ADGRG5: variants seen among roughly 807,000 people sequenced by gnomAD.
ADGRG5 encodes adhesion G protein-coupled receptor G5.
A neutral mutation model predicts 53.2 loss-of-function variants in ADGRG5; 37 were observed. The observed-to-expected ratio is 0.70, with a 90% CI of 0.53 to 0.91. The LOEUF is 0.91. Among genes scored for constraint, ADGRG5 ranks in the 40% least tolerant of loss-of-function variants. The pLI is 0.00. For missense variants in ADGRG5, 614 were observed against 675.8 expected (o/e 0.91, Z 1.01); for synonymous variants, 277 against 290.4 (o/e 0.95, Z 0.47).
chr16:57,530,166 T>C, the ADGRG5 span, among the ~76,000 whole-genome samples: 1 of 152,120 alleles, frequency 6.6e-6, no homozygotes, highest in Non-Finnish European at 1.5e-5. Flanking sequence ...TCTCCCCTTC[T>C]CTGCCGGAAC....
Position 57,562,154 on chromosome 16 carries a change from A to G in ADGRG5, c.61A>G (p.Thr21Ala), listed in dbSNP as rs1194741845. 6.2e-7 allele frequency: 1 copy of G among 1,601,414 alleles called. No homozygotes were observed. Among genetic ancestry groups the G allele is most frequent in the Non-Finnish European group, 8.5e-7 (1 of 1,171,258 alleles). ...LCLLTLQNATTETWEELLSYM... is the reference protein window; with the variant it reads ...LCLLTLQNATAETWEELLSYM... ...CCTTCTGACTTTGCAGAATGCAACA[A>G]CAGGTAAGGGGGCTCTGCTGAACTG... is the stretch of plus-strand genomic sequence containing the variant. Residue 21 changes from threonine to alanine, a missense_variant, in exon 2 of 12, where the codon ACA (threonine) becomes GCA (alanine). By Grantham distance (58) the Thr-to-Ala change is moderately conservative. Transcript: ENST00000349457.
rs1163743394 is a variant in ADGRG5, at chr16:57,574,453, C to G, written c.1209-362C>G. On this transcript the variant is annotated intron_variant, in intron 10 of 11. Coordinates refer to ENST00000349457, the MANE Select transcript of ADGRG5 (RefSeq NM_001304376.3). This position sits in a 1 kb window ranked among gnomAD's most constrained non-coding sequence, Gnocchi z 4.4. Reference sequence around the variant, plus strand: ...GTTTCCAGGAAAGAGGGCTCCGGGCCAAGGATCCAATAGAAGATGGGGCAT... The same window carrying G: ...GTTTCCAGGAAAGAGGGCTCCGGGCGAAGGATCCAATAGAAGATGGGGCAT... Among the ~76,000 whole-genome samples, 3 of 152,166 alleles carry G rather than the reference C, an allele frequency of 2.0e-5. No individual in the cohort carries two copies. The highest frequency in any genetic ancestry group is 4.4e-5 in the Non-Finnish European group (3 of 68,042).
At chr16:57,536,174 C>T in the ADGRG5 span, among the ~76,000 whole-genome samples, 36 of 152,138 alleles carry the variant, frequency 2.4e-4, no homozygotes, top group African/African-American at 8.7e-4. Flanking sequence ...ACGTTGGGTC[C>T]CCCGGGAGAG....
chr16:57,533,025 G>A, the ADGRG5 span, among the ~76,000 whole-genome samples: 1 of 152,214 alleles, frequency 6.6e-6, no homozygotes, highest in South Asian at 2.1e-4. Flanking sequence ...GAGGGCCACC[G>A]GCTTCTTCCA....
At chr16:57,551,561 C>T (rs752200580) in intron 1 of ADGRG5, among the ~76,000 whole-genome samples, 4 of 152,176 alleles carry the variant, frequency 2.6e-5, no homozygotes, top group Non-Finnish European at 5.9e-5. Context: ...CATGAGACTG[C>T]AGCAATTCAG....
chr16:57,575,301 C>A, intron 11 of ADGRG5, 137 bp from the exon 12 acceptor site: 1 of 930,192 alleles, frequency 1.1e-6, no homozygotes, highest in Non-Finnish European at 1.6e-6. Flanking sequence ...TGAGGCTCTG[C>A]CCCTCTGGCC....
intron 4 of ADGRG5, among the ~76,000 whole-genome samples, chr16:57,563,641 G>A (rs1230766404): frequency 6.6e-6 from 1 of 152,184 alleles, no homozygotes. Flanking sequence ...GGGTTCAGTG[G>A]GTCAGGTAAA....
At position 57,562,090 on chromosome 16, in the gene ADGRG5, G is replaced by A. The variant is rs780891536; in HGVS notation, c.-4G>A. 3 of 1,580,034 alleles carry A rather than the reference G, an allele frequency of 1.9e-6. No homozygotes were observed. The highest frequency in any genetic ancestry group is 2.6e-6 in the Non-Finnish European group (3 of 1,158,914). On this transcript the variant is annotated 5_prime_UTR_variant, in exon 2 of 12. Coordinates refer to ENST00000349457, the MANE Select transcript of ADGRG5 (RefSeq NM_001304376.3). The stretch of plus-strand genomic sequence containing the variant: ...CAGTTCTTGGAGGAGACTCTGCACA[G>A]GGCATGGATCACTGTGGTGCCCTTT...
chr16:57,564,301 A>G (rs2088291023), intron 5 of ADGRG5, among the ~76,000 whole-genome samples: 1 of 151,512 alleles, frequency 6.6e-6, no homozygotes, highest in Non-Finnish European at 1.5e-5. Flanking sequence ...GCCTAGACTA[A>G]GACCTTACAG....
Position 57,567,518 on chromosome 16 carries a change from T to C in ADGRG5, c.748T>C (p.Tyr250His). The C allele has an allele frequency of 6.2e-7, 1 of 1,611,572 alleles. No individual in the cohort carries two copies. The highest frequency in any genetic ancestry group is 8.5e-7 in the Non-Finnish European group (1 of 1,179,884). Residue 250 changes from tyrosine (Y) to histidine (H), a missense_variant, in exon 8 of 12, where the codon TAC becomes CAC. Transcript: ENST00000349457. The stretch of plus-strand genomic sequence containing the variant: ...TGCAGAGTTGCTGGCACCTCTTACG[T>C]ACATCTCCCTCGTGGGCTGCAGCAT... ...VPAELLAPLT[Y>H]ISLVGCSISI...
intron 1 of ADGRG5, among the ~76,000 whole-genome samples, chr16:57,554,685 T>C (rs1038607797): frequency 9.9e-5 from 15 of 152,194 alleles, no homozygotes; most frequent in African/African-American, 3.6e-4. Flanking sequence ...CATAATTTTA[T>C]CTTTATTATT....
chr16:57,536,669 G>T, the ADGRG5 span: 1 of 152,144 alleles, frequency 6.6e-6, no homozygotes, highest in Admixed American at 6.5e-5. Context: ...CGAAGCGGTC[G>T]CAGGCTGCGG....
Position 57,552,454 on chromosome 16 carries a change from T to C in ADGRG5, c.-38-9602T>C, listed in dbSNP as rs143237486. ...CAGCACTTGCTGTTTCACTTTGTAC[T>C]GCTATGTCATGGAGATGGCTTTTTT... On this transcript the variant is annotated intron_variant, in intron 1 of 11. Coordinates refer to ENST00000349457, the MANE Select transcript of ADGRG5 (RefSeq NM_001304376.3). 2.3e-3 allele frequency among the ~76,000 whole-genome samples: 346 copies of C among 152,364 alleles called. 2 individuals carry two copies. Among genetic ancestry groups the C allele is most frequent in the African/African-American group, 7.9e-3 (329 of 41,590 alleles).
chr16:57,573,408 T>C (rs1374050080), intron 10 of ADGRG5, among the ~76,000 whole-genome samples: 1 of 128,256 alleles, frequency 7.8e-6, no homozygotes, highest in African/African-American at 3.1e-5. Flanking sequence ...CACTCCAGCC[T>C]GGTGACAGAG....
At chr16:57,548,238 A>G (rs1395803467) in intron 1 of ADGRG5, among the ~76,000 whole-genome samples, 1 of 150,608 alleles carries the variant, frequency 6.6e-6, no homozygotes, top group Non-Finnish European at 1.5e-5. Context: ...AATCTGTTGC[A>G]TATTTTAACT....
chr16:57,572,201 C>T (rs997835952), intron 10 of ADGRG5, among the ~76,000 whole-genome samples: 10 of 151,836 alleles, frequency 6.6e-5, no homozygotes, highest in African/African-American at 2.2e-4. Flanking sequence ...ACAGGCCAGG[C>T]GTGGTGGCTC....
intron 1 of ADGRG5, among the ~76,000 whole-genome samples, chr16:57,551,588 C>T (rs2032755615): frequency 6.6e-6 from 1 of 152,138 alleles, no homozygotes; most frequent in Non-Finnish European, 1.5e-5. Flanking sequence ...CTTCAGGATC[C>T]ACTACTAATT....
At chr16:57,545,294 T>G (rs1464261094) in intron 1 of ADGRG5, among the ~76,000 whole-genome samples, 2 of 152,212 alleles carry the variant, frequency 1.3e-5, no homozygotes, top group Non-Finnish European at 2.9e-5. Context: ...GATTTATATC[T>G]CCCAGTGCAT....
chr16:57,546,923 G>C (rs548905278), intron 1 of ADGRG5, among the ~76,000 whole-genome samples: 1 of 152,112 alleles, frequency 6.6e-6, no homozygotes, highest in South Asian at 2.1e-4. Flanking sequence ...TGTTGCCCAG[G>C]GTGGTCTCCA....
Sources: gnomAD v4.1 joint callset for allele counts (sites outside exome capture counted in the v4.1 genomes callset) on GRCh38, gnomAD v4.1.1 for gene constraint, Gnocchi (gnomAD v3.1) non-coding constraint, MANE v1.5 for transcripts, NCBI Gene and HGNC (gene_info 2026-07-23, HGNC 2026-07-21) for gene names.